Variants in CDH12 observed in about 807,000 individuals in gnomAD.
CDH12 encodes the protein cadherin-12.
Under a neutral mutation model 74.1 loss-of-function variants are expected in CDH12, and 41 were observed. The observed-to-expected ratio is 0.55, with a 90% CI of 0.43 to 0.72. The LOEUF (loss-of-function observed/expected upper bound fraction) is 0.72. Among genes scored for constraint, CDH12 ranks in the 30% least tolerant of loss-of-function variants. The probability of loss-of-function intolerance (pLI) is 0.00; values close to 1 mark genes in which losing one functional copy is unlikely to be tolerated. For synonymous variants in CDH12, 399 were observed against 355.0 expected (o/e 1.12, Z -1.39); for missense variants, 945 against 977.2 (o/e 0.97, Z 0.44).
At chr5:22,158,711 T>C (rs1748166446) in intron 4 of CDH12, among the ~76,000 whole-genome samples, 1 of 152,128 alleles carries the variant, frequency 6.6e-6, no homozygotes, top group Admixed American at 6.5e-5. Context: ...ATACACTTTT[T>C]GTTTGCATGA....
rs10685463 is a variant in CDH12 at position 22,489,056 on chromosome 5, CTT to C, written c.-428+16212_-428+16213del. 6.4e-4 allele frequency among the ~76,000 whole-genome samples: 24 copies of C among 37,326 alleles called. 1 individual carries two copies. The highest frequency in any genetic ancestry group is 1.7e-3 in the African/African-American group (15 of 9,086). 24.5% of individuals were successfully genotyped at this position (37,326 alleles called of 152,430 possible). On this transcript the variant is annotated intron_variant, in intron 2 of 14. Transcript: ENST00000382254. ...AGTAATTGCAGTTTTTTGGTACCAC[CTT>C]TTTTTTTTTTTTTTTTTGAGACAGA... is the stretch of plus-strand genomic sequence containing the variant.
intron 5 of CDH12, among the ~76,000 whole-genome samples, chr5:22,062,968 T>G (rs1741295039): frequency 6.6e-6 from 1 of 152,048 alleles, no homozygotes; most frequent in African/African-American, 2.4e-5. Context: ...GCTACACAAC[T>G]CAATAACCAA....
At position 21,752,052 on chromosome 5, in the gene CDH12, G is replaced by C; in HGVS notation, c.2070C>G (p.Arg690=). 1.2e-6 allele frequency: 2 copies of C among 1,614,046 alleles called. No individual in the cohort carries two copies. Among genetic ancestry groups the C allele is most frequent in the Non-Finnish European group, 1.7e-6 (2 of 1,179,974 alleles). ...NPKVIEENKI[R]RDIKPDSLCL... ...AGAGAGAGTCTGGTTTTATATCCCT[G>C]CGAATTTTGTTCTCCTCAATCACTT... The change falls in exon 15 of 15, where the codon CGC becomes CGG. Residue 690 remains arginine (R), a synonymous_variant. Coordinates refer to ENST00000382254, the MANE Select transcript of CDH12 (RefSeq NM_004061.5).
At chr5:22,059,043 GT>G (rs1437777310) in intron 5 of CDH12, among the ~76,000 whole-genome samples, 1 of 151,926 alleles carries the variant, frequency 6.6e-6, no homozygotes, top group South Asian at 2.1e-4. Context: ...AAAACATTCA[GT>G]TTTTTTTATT....
At chr5:22,191,862 C>G (rs1750329167) in intron 4 of CDH12, among the ~76,000 whole-genome samples, 1 of 152,034 alleles carries the variant, frequency 6.6e-6, no homozygotes, top group African/African-American at 2.4e-5. Context: ...CCGCGCCCGG[C>G]CCACCAATGG....
chr5:22,729,294 T>G (rs1744313971), intron 1 of CDH12, among the ~76,000 whole-genome samples: 1 of 151,798 alleles, frequency 6.6e-6, no homozygotes, highest in Admixed American at 6.6e-5. Flanking sequence ...CCTTCTTATC[T>G]GTTCGATGGC....
intron 3 of CDH12, among the ~76,000 whole-genome samples, chr5:22,229,875 A>G (rs1164782738): frequency 2.0e-5 from 3 of 152,046 alleles, no homozygotes; most frequent in African/African-American, 7.2e-5. Flanking sequence ...ACACACACAC[A>G]CACACAGGGT....
chr5:22,198,442 A>C (rs1311336626), intron 4 of CDH12, among the ~76,000 whole-genome samples: 1 of 152,156 alleles, frequency 6.6e-6, no homozygotes, highest in Admixed American at 6.5e-5. Context: ...GACACTCTTC[A>C]ATATTTTCAT....
At position 21,940,303 on chromosome 5, in the gene CDH12, C is replaced by G. The variant is rs190379484; in HGVS notation, c.526+34788G>C. 2.4e-3 allele frequency among the ~76,000 whole-genome samples: 372 copies of G among 152,170 alleles called. 2 individuals are homozygous for G. The highest frequency in any genetic ancestry group is 8.5e-3 in the African/African-American group (352 of 41,538). ...GCAAGTCTCAAATGCCTAAAAAAGGCCAAACTTCCTTTGGTCTTTGGATAT... is the reference window on the plus strand; with the variant it reads ...GCAAGTCTCAAATGCCTAAAAAAGGGCAAACTTCCTTTGGTCTTTGGATAT... On this transcript the variant is annotated intron_variant, in intron 6 of 14. Coordinates refer to ENST00000382254, the MANE Select transcript of CDH12 (RefSeq NM_004061.5).
intron 1 of CDH12, among the ~76,000 whole-genome samples, chr5:22,822,952 T>G (rs1004101918): frequency 1.3e-5 from 2 of 152,126 alleles, no homozygotes; most frequent in Non-Finnish European, 2.9e-5. Flanking sequence ...ATTGCAGCAC[T>G]ATTCACAATA....
intron 6 of CDH12, among the ~76,000 whole-genome samples, chr5:21,913,366 A>C (rs1753948055): frequency 1.3e-5 from 2 of 152,106 alleles, no homozygotes; most frequent in Non-Finnish European, 2.9e-5. Context: ...TTACATTTAC[A>C]TTTCTTTCTT....
chr5:22,772,328 G>T (rs1033862154), intron 1 of CDH12, among the ~76,000 whole-genome samples: 5 of 152,094 alleles, frequency 3.3e-5, no homozygotes, highest in East Asian at 1.9e-4. Context: ...TGACAAGAAG[G>T]TGTCCTATGA....
At chr5:22,051,038 A>G (rs1291181973) in intron 5 of CDH12, among the ~76,000 whole-genome samples, 3 of 152,150 alleles carry the variant, frequency 2.0e-5, no homozygotes, top group Non-Finnish European at 4.4e-5. Context: ...AAGGAATCTG[A>G]AAGTCTGCTT....
intron 1 of CDH12, among the ~76,000 whole-genome samples, chr5:22,830,592 G>C (rs1376793408): frequency 6.6e-6 from 1 of 151,440 alleles, no homozygotes; most frequent in Non-Finnish European, 1.5e-5. Context: ...TTTTTATATA[G>C]TTTTCTTCTG....
intron 1 of CDH12, among the ~76,000 whole-genome samples, chr5:22,685,016 C>A (rs1741687322): frequency 6.6e-6 from 1 of 152,028 alleles, no homozygotes; most frequent in Non-Finnish European, 1.5e-5. Context: ...AGTTTTTTGG[C>A]AGACCTTCAA....
At chr5:21,945,462 G>T (rs897917667) in intron 6 of CDH12, among the ~76,000 whole-genome samples, 12 of 112,084 alleles carry the variant, frequency 1.1e-4, no homozygotes, top group Non-Finnish European at 1.6e-4. Context: ...AAAAAAAGAG[G>T]TTGGAATTAT....
chr5:22,173,411 A>G (rs1181874689), intron 4 of CDH12, among the ~76,000 whole-genome samples: 1 of 145,298 alleles, frequency 6.9e-6, no homozygotes, highest in Non-Finnish European at 1.5e-5. Flanking sequence ...AAATATTAAT[A>G]AATATTAAAT....
intron 3 of CDH12, among the ~76,000 whole-genome samples, chr5:22,400,484 C>A (rs1742683081): frequency 6.6e-6 from 1 of 151,724 alleles, no homozygotes; most frequent in African/African-American, 2.4e-5. Context: ...TGCTAGAAAG[C>A]AGGTTTCACC....
At chr5:22,551,208 A>C (rs984691967) in intron 1 of CDH12, among the ~76,000 whole-genome samples, 4 of 152,186 alleles carry the variant, frequency 2.6e-5, no homozygotes. Context: ...CTGAGCATGC[A>C]CAGATGAAAG....
Sources: gnomAD v4.1 joint callset for allele counts (sites outside exome capture counted in the v4.1 genomes callset) on GRCh38, gnomAD v4.1.1 for gene constraint, MANE v1.5 for transcripts, NCBI Gene and HGNC (gene_info 2026-07-23, HGNC 2026-07-21) for gene names.